Variants in PKNOX2 observed in about 807,000 individuals in gnomAD.
PKNOX2 encodes the protein homeobox protein PKNOX2.
In PKNOX2, 14 loss-of-function variants were observed where a neutral mutation model predicts 53.1. The observed-to-expected ratio is 0.26, with a 90% confidence interval of 0.17 to 0.41. The LOEUF (loss-of-function observed/expected upper bound fraction) is 0.41. PKNOX2 is among the 10% of genes least tolerant of loss of function. The pLI, the probability that PKNOX2 is intolerant of heterozygous loss-of-function variation, is 1.00. For synonymous variants in PKNOX2, 257 were observed against 242.8 expected (o/e 1.06, Z -0.54); for missense variants, 496 against 602.8 (o/e 0.82, Z 1.85).
At position 125,410,655 on chromosome 11, in the gene PKNOX2, C is replaced by T. The variant is rs202025739; in HGVS notation, c.719-124C>T. 3.3e-4 allele frequency: 247 copies of T among 746,678 alleles called. 5 individuals carry two copies. In the East Asian group the frequency reaches 5.9e-3, roughly 18 times the overall value. The allele number at this position is 746,678 out of a possible 1,614,324, so 46.3% of individuals were successfully genotyped here. ...ACCCATAAAGCAGAAAGCCATAGCT[C>T]GCTACCCAAGGGCTCCAAGTAGAGG... On this transcript the variant is annotated intron_variant, in intron 8 of 12. Transcript: ENST00000298282.
At chr11:125,354,009 T>TGCA (rs1436761275) in intron 4 of PKNOX2, among the ~76,000 whole-genome samples, 1 of 152,124 alleles carries the variant, frequency 6.6e-6, no homozygotes, top group Non-Finnish European at 1.5e-5. Flanking sequence ...CTCCAAAGAA[T>TGCA]GCTAGTATTT....
At chr11:125,399,089 T>C (rs1447793023) in intron 7 of PKNOX2, among the ~76,000 whole-genome samples, 1 of 152,236 alleles carries the variant, frequency 6.6e-6, no homozygotes, top group Non-Finnish European at 1.5e-5. Context: ...CAGCCTTGCT[T>C]TGCACATTTT....
intron 11 of PKNOX2, 23 bp from the exon 12 acceptor site, chr11:125,429,940 G>C (rs775447437): frequency 6.2e-7 from 1 of 1,610,160 alleles, no homozygotes; most frequent in South Asian, 1.1e-5. Context: ...GACTAACCAG[G>C]TCTCCACTTT....
At chr11:125,395,892 AG>A (rs746564303) in intron 6 of PKNOX2, among the ~76,000 whole-genome samples, 4 of 151,238 alleles carry the variant, frequency 2.6e-5, no homozygotes, top group Non-Finnish European at 5.9e-5. Context: ...TCTTCTTCAC[AG>A]GGTCTTTTGA....
intron 4 of PKNOX2, among the ~76,000 whole-genome samples, chr11:125,360,907 C>A (rs1046396796): frequency 1.3e-5 from 2 of 152,126 alleles, no homozygotes; most frequent in South Asian, 4.2e-4. Context: ...AGTAACTTGC[C>A]CAAATCACAC....
At position 125,370,370 on chromosome 11, in the gene PKNOX2, G is replaced by A. The variant is rs1952459629; in HGVS notation, c.227+2385G>A. Among the ~76,000 whole-genome samples, 2 of 152,320 alleles carry A rather than the reference G, an allele frequency of 1.3e-5. 1 individual carries two copies. Among genetic ancestry groups the A allele is most frequent in the Middle Eastern group, 6.8e-3 (2 of 294 alleles). ...CCAGGCCAACCTGCAGGAGAGGTGG[G>A]TCACTGCCCCCATGGGAGCCACCAC... On this transcript the variant is annotated intron_variant, in intron 5 of 12. Coordinates refer to ENST00000298282, the MANE Select transcript of PKNOX2 (RefSeq NM_001382323.2). The surrounding 1 kb of genome is among the most constrained non-coding windows in gnomAD (Gnocchi z 4.1).
intron 2 of PKNOX2, among the ~76,000 whole-genome samples, chr11:125,249,811 T>C (rs924318578): frequency 3.9e-5 from 6 of 152,150 alleles, no homozygotes; most frequent in African/African-American, 1.2e-4. Context: ...AGCTCACGCC[T>C]GTAATCCCAG....
intron 1 of PKNOX2, among the ~76,000 whole-genome samples, chr11:125,208,453 T>C (rs569177841): frequency 6.6e-6 from 1 of 152,214 alleles, no homozygotes; most frequent in South Asian, 2.1e-4. Context: ...GACTTTGCAC[T>C]AGAAAAAATC....
At chr11:125,231,864 A>C (rs551601475) in intron 1 of PKNOX2, among the ~76,000 whole-genome samples, 26 of 152,298 alleles carry the variant, frequency 1.7e-4, no homozygotes, top group African/African-American at 4.6e-4. Flanking sequence ...GACACTATTA[A>C]TGTTTTATCA....
rs542704028 is a variant in PKNOX2 at position 125,221,148 on chromosome 11, CTG to C, written c.-200-13895_-200-13894del. ...CCAGCCTGGGTGACAGAGTGAGACT[CTG>C]TCTAAAAAAAAACAAAACAAAAATT... On this transcript the variant is annotated intron_variant, in intron 1 of 12. Coordinates refer to ENST00000298282, the MANE Select transcript of PKNOX2 (RefSeq NM_001382323.2). Among the ~76,000 whole-genome samples the C allele has an allele frequency of 4.4e-3, 673 of 151,826 alleles. 5 individuals carry two copies. Among genetic ancestry groups the C allele is most frequent in the Non-Finnish European group, 5.2e-3 (351 of 67,998 alleles).
At chr11:125,242,898 C>T (rs1046902153) in intron 2 of PKNOX2, among the ~76,000 whole-genome samples, 5 of 152,104 alleles carry the variant, frequency 3.3e-5, no homozygotes, top group Non-Finnish European at 5.9e-5. Context: ...AAATGCTCAG[C>T]GAATGCAATG....
At chr11:125,426,447 G>A in intron 10 of PKNOX2, among the ~76,000 whole-genome samples, 1 of 152,376 alleles carries the variant, frequency 6.6e-6, no homozygotes, top group East Asian at 1.9e-4. Context: ...CACCCAGGAT[G>A]CGGCAGATGC....
In PKNOX2 at chr11:125,266,108, T is replaced by G. The variant is rs999112983; in HGVS notation, c.-130+30993T>G. Among the ~76,000 whole-genome samples the G allele has an allele frequency of 5.9e-5, 9 of 152,184 alleles. No homozygotes were observed. In the South Asian group the frequency reaches 1.0e-3, roughly 18 times the overall value. On this transcript the variant is annotated intron_variant, in intron 2 of 12. Transcript: ENST00000298282. ...AAGAAAGGAATAGTTCCTTTCTCAC[T>G]GGGTTCTCATCAGAGTTGAATGATA...
chr11:125,315,183 C>T (rs1351665563), intron 2 of PKNOX2, among the ~76,000 whole-genome samples: 1 of 151,938 alleles, frequency 6.6e-6, no homozygotes, highest in Non-Finnish European at 1.5e-5. Context: ...CACCTCCTTC[C>T]TTTTCTCCTC....
At chr11:125,263,915 T>G (rs1388068393) in intron 2 of PKNOX2, among the ~76,000 whole-genome samples, 1 of 151,918 alleles carries the variant, frequency 6.6e-6, no homozygotes, top group Non-Finnish European at 1.5e-5. Context: ...TATAAGGGGG[T>G]GCGGGGAGGG....
rs1565462521 is a variant in PKNOX2 at position 125,178,678 on chromosome 11, GA to G, written c.-201+13903del. On this transcript the variant is annotated intron_variant, in intron 1 of 12. Coordinates refer to ENST00000298282, the MANE Select transcript of PKNOX2 (RefSeq NM_001382323.2). ...GGAAGGAAGGAAGGAAGGAAAGAAAGAGAGAGAGAGAGAGAGAGAGAAAGAA... is the reference window on the plus strand; with the variant it reads ...GGAAGGAAGGAAGGAAGGAAAGAAAGGAGAGAGAGAGAGAGAGAGAAAGAA... Among the ~76,000 whole-genome samples, 30 of 78,606 alleles carry G rather than the reference GA, an allele frequency of 3.8e-4. 2 individuals carry two copies. Among genetic ancestry groups the G allele is most frequent in the African/African-American group, 2.0e-3 (29 of 14,268 alleles). 51.6% of individuals were successfully genotyped at this position (78,606 alleles called of 152,430 possible). A position where few individuals can be genotyped will look rare whatever the true frequency, so the allele number is the denominator to read the frequency against.
intron 2 of PKNOX2, among the ~76,000 whole-genome samples, chr11:125,248,092 G>T (rs993859757): frequency 3.3e-5 from 5 of 152,092 alleles, no homozygotes; most frequent in African/African-American, 1.2e-4. Context: ...TGTAGCCCTC[G>T]CTCTGCCTGG....
intron 2 of PKNOX2, among the ~76,000 whole-genome samples, chr11:125,291,381 G>T (rs1042625882): frequency 5.3e-5 from 8 of 152,092 alleles, no homozygotes; most frequent in African/African-American, 1.7e-4. Flanking sequence ...TCCAGGCTGG[G>T]CAGGCAGGCT....
intron 1 of PKNOX2, among the ~76,000 whole-genome samples, chr11:125,179,636 C>T (rs1215200258): frequency 6.6e-6 from 1 of 151,976 alleles, no homozygotes; most frequent in Non-Finnish European, 1.5e-5. Flanking sequence ...CGAGAGAACC[C>T]CTGGAGTCTG....
Sources: gnomAD v4.1 joint callset for allele counts (sites outside exome capture counted in the v4.1 genomes callset) on GRCh38, gnomAD v4.1.1 for gene constraint, Gnocchi (gnomAD v3.1) non-coding constraint, MANE v1.5 for transcripts, NCBI Gene and HGNC (gene_info 2026-07-23, HGNC 2026-07-21) for gene names.